Variants in FHIT observed in about 807,000 individuals in gnomAD.
FHIT encodes fragile histidine triad diadenosine triphosphatase, also known as bis(5'-adenosyl)-triphosphatase.
In FHIT, 19 loss-of-function variants were observed where a neutral mutation model predicts 17.9. That is an observed-to-expected ratio of 1.06 (90% confidence interval 0.74 to 1.56). The LOEUF is 1.56. Among genes scored for constraint, FHIT ranks in the 40% most tolerant of loss-of-function variants. FHIT has a pLI of 0.00. For synonymous variants in FHIT, 81 were observed against 69.7 expected (o/e 1.16, Z -0.81); for missense variants, 248 against 189.2 (o/e 1.31, Z -1.82).
intron 4 of FHIT, among the ~76,000 whole-genome samples, chr3:60,575,597 A>G (rs782112439): frequency 1.3e-5 from 2 of 152,182 alleles, no homozygotes; most frequent in Non-Finnish European, 2.9e-5. Context: ...ACCACAGTAT[A>G]AAATGTAAGG....
intron 5 of FHIT, among the ~76,000 whole-genome samples, chr3:60,394,034 A>G (rs1241088576): frequency 1.3e-5 from 2 of 152,152 alleles, no homozygotes; most frequent in African/African-American, 2.4e-5. Flanking sequence ...GTAGGAGGGG[A>G]AAAGAAGAGT....
intron 5 of FHIT, among the ~76,000 whole-genome samples, chr3:60,502,828 T>TAA (rs977837250): frequency 6.6e-6 from 1 of 152,048 alleles, no homozygotes; most frequent in Non-Finnish European, 1.5e-5. Context: ...AATGCTATTA[T>TAA]AAAAAAATCA....
Position 60,592,689 on chromosome 3 carries a change from A to G in FHIT, c.-17-55710T>C, listed in dbSNP as rs148235620. On this transcript the variant is annotated intron_variant, in intron 4 of 9. Transcript: ENST00000492590. Reference sequence around the variant, plus strand: ...TCTCATTGTCACTTGTCAGAATTTGATTATACAACCCCACCTAGAAACAAG... The same window carrying G: ...TCTCATTGTCACTTGTCAGAATTTGGTTATACAACCCCACCTAGAAACAAG... Among the ~76,000 whole-genome samples the G allele has an allele frequency of 3.9e-5, 6 of 152,248 alleles. No individual in the cohort carries two copies. In the East Asian group the frequency reaches 1.2e-3, roughly 30 times the overall value.
intron 3 of FHIT, among the ~76,000 whole-genome samples, chr3:60,913,954 C>T (rs538070139): frequency 9.8e-5 from 15 of 152,330 alleles, no homozygotes; most frequent in African/African-American, 3.4e-4. Context: ...TGGCACTGTG[C>T]ATTTCTGCCA....
intron 4 of FHIT, among the ~76,000 whole-genome samples, chr3:60,782,481 A>G (rs548723204): frequency 6.6e-6 from 1 of 152,220 alleles, no homozygotes; most frequent in Non-Finnish European, 1.5e-5. Context: ...AATTAACCCT[A>G]TCTTTTTTGA....
chr3:60,340,489 G>A (rs559527941), intron 5 of FHIT, among the ~76,000 whole-genome samples: 1 of 152,246 alleles, frequency 6.6e-6, no homozygotes, highest in East Asian at 1.9e-4. Flanking sequence ...TTGACTAGCT[G>A]CTCTGAACAG....
intron 8 of FHIT, among the ~76,000 whole-genome samples, chr3:59,900,291 C>G (rs554826067): frequency 8.5e-4 from 129 of 152,312 alleles, no homozygotes; most frequent in Non-Finnish European, 9.0e-4. Context: ...AATGGTTCCT[C>G]CCAGCAGTTG....
chr3:60,955,618 A>ACATATATATATACG (rs1559862381), intron 3 of FHIT, among the ~76,000 whole-genome samples: 1 of 14,574 alleles, frequency 6.9e-5, no homozygotes, highest in Non-Finnish European at 2.1e-4. Context: ...ATATATATAT[A>ACATATATATATACG]TATATATATA....
At chr3:60,798,805 T>C (rs924392388) in intron 4 of FHIT, among the ~76,000 whole-genome samples, 4 of 144,016 alleles carry the variant, frequency 2.8e-5, no homozygotes, top group Non-Finnish European at 6.0e-5. Context: ...TTGCCCAGGC[T>C]GGAGTGCAGT....
intron 1 of FHIT, among the ~76,000 whole-genome samples, chr3:61,231,244 C>G (rs1280329767): frequency 6.6e-6 from 1 of 152,088 alleles, no homozygotes; most frequent in Non-Finnish European, 1.5e-5. Flanking sequence ...CCTGAAACCC[C>G]ATTTTGGAAG....
At chr3:60,442,371 G>T (rs1249816151) in intron 5 of FHIT, among the ~76,000 whole-genome samples, 1 of 152,100 alleles carries the variant, frequency 6.6e-6, no homozygotes, top group East Asian at 1.9e-4. Context: ...GAATGGTATT[G>T]CCTAGGTTTT....
At chr3:61,216,371 C>T (rs1169414177) in intron 1 of FHIT, among the ~76,000 whole-genome samples, 2 of 152,176 alleles carry the variant, frequency 1.3e-5, no homozygotes, top group Non-Finnish European at 2.9e-5. Flanking sequence ...GACATTTATG[C>T]AGCCAAAAAA....
At chr3:59,945,559 A>C (rs1706759968) in intron 7 of FHIT, among the ~76,000 whole-genome samples, 1 of 150,486 alleles carries the variant, frequency 6.6e-6, no homozygotes. Flanking sequence ...TTTTGGTCAC[A>C]ATTGCTTTTG....
chr3:60,328,739 C>T lies in FHIT; in HGVS notation c.103+208121G>A, dbSNP rs143460818. On this transcript the variant is annotated intron_variant, in intron 5 of 9. Coordinates refer to ENST00000492590, the MANE Select transcript of FHIT (RefSeq NM_002012.4). ...GACCACCAATAATAAGATTGTGCCC[C>T]ACCTGTATACAATGAGCTGTTCCAA... Among the ~76,000 whole-genome samples, 6 of 152,288 alleles carry T rather than the reference C, an allele frequency of 3.9e-5. No homozygotes were observed. In the East Asian group the frequency reaches 1.2e-3, roughly 29 times the overall value.
intron 5 of FHIT, among the ~76,000 whole-genome samples, chr3:60,129,108 A>G (rs1326381097): frequency 3.1e-5 from 4 of 129,792 alleles, no homozygotes; most frequent in Non-Finnish European, 6.2e-5. Context: ...ACTGGAGTGC[A>G]GTGGCGCAAT....
intron 4 of FHIT, among the ~76,000 whole-genome samples, chr3:60,624,894 AGTTT>A (rs1218975769): frequency 7.9e-6 from 1 of 125,926 alleles, no homozygotes; most frequent in Non-Finnish European, 1.7e-5. Flanking sequence ...GCTTGTTTCT[AGTTT>A]TTTTTTTTGT....
intron 5 of FHIT, among the ~76,000 whole-genome samples, chr3:60,479,024 A>G (rs1189894336): frequency 6.6e-6 from 1 of 152,204 alleles, no homozygotes; most frequent in Admixed American, 6.5e-5. Flanking sequence ...GGACAGCAAC[A>G]CTGTAGAACA....
At chr3:60,190,812 G>GCA (rs1423281980) in intron 5 of FHIT, among the ~76,000 whole-genome samples, 1 of 152,018 alleles carries the variant, frequency 6.6e-6, no homozygotes, top group Non-Finnish European at 1.5e-5. Flanking sequence ...GCATGGTAGT[G>GCA]CACACGTGTA....
intron 5 of FHIT, among the ~76,000 whole-genome samples, chr3:60,121,711 C>A (rs7636540): frequency 1.3e-3 from 91 of 71,584 alleles, no homozygotes; most frequent in African/African-American, 3.5e-3. Flanking sequence ...ACAAAACAAA[C>A]ACACACACAC....
Sources: allele counts gnomAD v4.1 joint callset (sites outside exome capture counted in the v4.1 genomes callset), GRCh38; gene constraint gnomAD v4.1.1; transcripts MANE v1.5; gene names NCBI Gene and HGNC (gene_info 2026-07-23, HGNC 2026-07-21).